DCHS1: variants seen among roughly 807,000 people sequenced by gnomAD.
DCHS1 encodes the protein protocadherin-16.
In DCHS1, 78 loss-of-function variants were observed where a neutral mutation model predicts 213.9. The observed-to-expected ratio is 0.36, with a 90% CI of 0.30 to 0.44. The LOEUF (loss-of-function observed/expected upper bound fraction) is 0.44. DCHS1 is among the 20% of genes least tolerant of loss of function. The probability of loss-of-function intolerance (pLI) is 1.00; values close to 1 mark genes in which losing one functional copy is unlikely to be tolerated. For missense variants in DCHS1, 3,946 were observed against 4,395.9 expected (o/e 0.90, Z 2.89); for synonymous variants, 1,828 against 1,873.7 (o/e 0.98, Z 0.63).
chr11:6,622,597 G>T lies in DCHS1; in HGVS notation c.9079C>A (p.Pro3027Thr). 6.3e-7 allele frequency: 1 copy of T among 1,580,542 alleles called. No homozygotes were observed. Among genetic ancestry groups the T allele is most frequent in the South Asian group, 1.2e-5 (1 of 86,216 alleles). Residue 3027 changes from proline (P) to threonine (T), a missense_variant, in exon 21 of 21, where the codon CCT (proline) becomes ACT (threonine). This residue lies in a region of DCHS1 where 554 missense variants were observed against 590.2 expected (regional missense o/e 0.94). Transcript: ENST00000299441. This position sits in a 1 kb window ranked among gnomAD's most constrained non-coding sequence, Gnocchi z 5.4. ...GPYPRGGSLD[P>T]SHSSGRGSAE... is the part of the protein sequence containing the mutation. ...GATCCTCGGCCACTTGAATGTGAAG[G>T]GTCCAAGGAGCCACCACGGGGGTAG...
chr11:6,648,063 T>C (rs1856191260), intron 1 of DCHS1, among the ~76,000 whole-genome samples: 1 of 152,216 alleles, frequency 6.6e-6, no homozygotes, highest in South Asian at 2.1e-4. Context: ...ATTTGGACAC[T>C]GCAGAGGAAA....
At chr11:6,654,996 C>G (rs1314231238) in intron 1 of DCHS1, among the ~76,000 whole-genome samples, 2 of 152,152 alleles carry the variant, frequency 1.3e-5, no homozygotes, top group South Asian at 2.1e-4. Flanking sequence ...GGGTGACCCC[C>G]CCCTCCATCC....
chr11:6,623,131 G>A lies in DCHS1; in HGVS notation c.8545C>T (p.Leu2849=). The stretch of plus-strand genomic sequence containing the variant: ...GGGGAAGAGGTGGCAAGGGAATACA[G>A]AACCAGGCCATCGGCACCCCCATCC... The part of the protein sequence containing the change: ...DEDGGADGLV[L]YSLATSSPYF... Residue 2849 remains leucine, a synonymous_variant, in exon 21 of 21, where the codon CTG becomes TTG. Coordinates refer to ENST00000299441, the MANE Select transcript of DCHS1 (RefSeq NM_003737.4). The A allele has an allele frequency of 6.2e-7, 1 of 1,608,592 alleles. No individual in the cohort carries two copies. Among genetic ancestry groups the A allele is most frequent in the Non-Finnish European group, 8.5e-7 (1 of 1,177,530 alleles).
chr11:6,624,675 C>A, intron 20 of DCHS1, 55 bp downstream of exon 20: 1 of 1,608,844 alleles, frequency 6.2e-7, no homozygotes, highest in South Asian at 1.1e-5. Flanking sequence ...GGAATGAGGT[C>A]AGATTACAGC....
In DCHS1 at chr11:6,622,004, A is replaced by C; in HGVS notation, c.9672T>G (p.Ala3224=). 1 of 1,612,922 alleles carries C rather than the reference A, an allele frequency of 6.2e-7. No homozygotes were observed. Residue 3224 remains alanine (A), a synonymous_variant, in exon 21 of 21, where the codon GCT becomes GCG. Transcript: ENST00000299441. The surrounding 1 kb of genome is among the most constrained non-coding windows in gnomAD (Gnocchi z 5.4). ...KSVPPKPANT[A]AARAIFPPAS... Reference sequence around the variant, plus strand: ...CTGGTGGGAAGATGGCCCGGGCTGCAGCTGTGTTTGCTGGCTTGGGGGGCA... The same window carrying C: ...CTGGTGGGAAGATGGCCCGGGCTGCCGCTGTGTTTGCTGGCTTGGGGGGCA...
chr11:6,654,811 G>A (rs999194382), intron 1 of DCHS1, among the ~76,000 whole-genome samples: 1 of 152,068 alleles, frequency 6.6e-6, no homozygotes. Flanking sequence ...CCTTGTGGCT[G>A]TGGGCCCAGC....
At chr11:6,651,735 G>A (rs1398879831) in intron 1 of DCHS1, among the ~76,000 whole-genome samples, 6 of 152,204 alleles carry the variant, frequency 3.9e-5, no homozygotes, top group South Asian at 2.1e-4. Flanking sequence ...GAACCAACAC[G>A]TTCCAAGGGA....
rs1477425872 is a variant in DCHS1 at position 6,621,475 on chromosome 11, TAA to T, written c.*302_*303del. The T allele has an allele frequency of 2.0e-6, 1 of 490,076 alleles. No individual in the cohort carries two copies. The highest frequency in any genetic ancestry group is 1.9e-5 in the African/African-American group (1 of 51,328). The allele number at this position is 490,076 out of a possible 1,614,324, so 30.4% of individuals were successfully genotyped here. A position where few individuals can be genotyped will look rare whatever the true frequency, so the allele number is the denominator to read the frequency against. ...CCTCCATCCCCCTACCCCCAATAAA[TAA>T]AGTCTCAGCTCCATCTCAGGGTGCT... is the stretch of plus-strand genomic sequence containing the variant. On this transcript the variant is annotated 3_prime_UTR_variant, in exon 21 of 21. Coordinates refer to ENST00000299441, the MANE Select transcript of DCHS1 (RefSeq NM_003737.4).
chr11:6,633,369 G>A (rs751363025), intron 5 of DCHS1, 43 bp downstream of exon 5: 2 of 1,522,164 alleles, frequency 1.3e-6, no homozygotes, highest in Admixed American at 2.0e-5. Context: ...TTATACTGGG[G>A]TATTTGGGTC....
chr11:6,632,906 C>G lies in DCHS1; in HGVS notation c.2606G>C (p.Ser869Thr). ...PVLELEVRAGSGVPPAFAVAR... is the reference protein window; with the variant it reads ...PVLELEVRAGTGVPPAFAVAR... Reference sequence around the variant, plus strand: ...TACAGCGAAAGCTGGGGGCACTCCACTGCCTGCTCGCACCTCCAGCTCCAA... The same window carrying G: ...TACAGCGAAAGCTGGGGGCACTCCAGTGCCTGCTCGCACCTCCAGCTCCAA... Residue 869 changes from serine to threonine, a missense_variant, in exon 6 of 21, where the codon AGT (serine) becomes ACT (threonine). Around this residue, in one of 3 missense-constraint regions of DCHS1, gnomAD observed 3,384 missense variants for 3,780.1 expected, o/e 0.90. Transcript: ENST00000299441. This position sits in a 1 kb window ranked among gnomAD's most constrained non-coding sequence, Gnocchi z 5.9. 1.2e-6 allele frequency: 2 copies of G among 1,614,068 alleles called. No homozygotes were observed. The highest frequency in any genetic ancestry group is 1.7e-6 in the Non-Finnish European group (2 of 1,179,900).
At position 6,625,248 on chromosome 11, in the gene DCHS1, C is replaced by T. The variant is rs779171502; in HGVS notation, c.7096G>A (p.Val2366Met). 1.2e-5 allele frequency: 20 copies of T among 1,611,270 alleles called. No homozygotes were observed. Among genetic ancestry groups the T allele is most frequent in the African/African-American group, 2.7e-5 (2 of 74,834 alleles). ...HEGRANLTVL[V>M]EDVNDNAPAF... ...GGTGCATTGTCATTGACATCCTCCACAAGCACTGTGAGGTTGGCACGGCCC... is the reference window on the plus strand; with the variant it reads ...GGTGCATTGTCATTGACATCCTCCATAAGCACTGTGAGGTTGGCACGGCCC... Residue 2366 changes from valine to methionine, a missense_variant, in exon 19 of 21, where the codon GTG becomes ATG. Val to Met is a conservative substitution (Grantham distance 21). This residue lies in a region of DCHS1 where 3,384 missense variants were observed against 3,780.1 expected (regional missense o/e 0.90). Transcript: ENST00000299441. The surrounding 1 kb of genome is among the most constrained non-coding windows in gnomAD (Gnocchi z 5.3).
chr11:6,648,829 T>C (rs1237338535), intron 1 of DCHS1, among the ~76,000 whole-genome samples: 2 of 152,158 alleles, frequency 1.3e-5, no homozygotes, highest in Non-Finnish European at 2.9e-5. Flanking sequence ...GTCTGGCACA[T>C]AGTAAGCTTT....
At chr11:6,629,161 T>C (rs1237359028) in intron 12 of DCHS1, among the ~76,000 whole-genome samples, 1 of 152,228 alleles carries the variant, frequency 6.6e-6, no homozygotes, top group African/African-American at 2.4e-5. Context: ...CAATATTCAG[T>C]ATCAAAATGC....
Position 6,626,418 on chromosome 11 carries a change from G to T in DCHS1, c.6365-38C>A. 3.1e-6 allele frequency: 5 copies of T among 1,607,446 alleles called. No homozygotes were observed. The highest frequency in any genetic ancestry group is 4.3e-6 in the Non-Finnish European group (5 of 1,176,122). On this transcript the variant is annotated intron_variant, in intron 15 of 20. Transcript: ENST00000299441. The surrounding 1 kb of genome is among the most constrained non-coding windows in gnomAD (Gnocchi z 5.2). Reference sequence around the variant, plus strand: ...GAATGCATCAGTGATAGCCCCCTTTGCTTGCCCTGGAGCCTCCTTCTCTAA... The same window carrying T: ...GAATGCATCAGTGATAGCCCCCTTTTCTTGCCCTGGAGCCTCCTTCTCTAA...
chr11:6,652,034 A>G (rs1458021353), intron 1 of DCHS1, among the ~76,000 whole-genome samples: 1 of 152,202 alleles, frequency 6.6e-6, no homozygotes, highest in Admixed American at 6.5e-5. Context: ...CAGTGAGACA[A>G]TAAGAAGGTC....
rs1245684360 is a variant in DCHS1, at chr11:6,630,420, G to T, written c.4374C>A (p.Phe1458Leu). 2.8e-6 allele frequency: 4 copies of T among 1,454,178 alleles called. No homozygotes were observed. Among genetic ancestry groups the T allele is most frequent in the Non-Finnish European group, 3.6e-6 (4 of 1,109,808 alleles). 90.1% of individuals were successfully genotyped at this position (1,454,178 alleles called of 1,614,324 possible). ...NPEPGAALYT[F>L]RASDADGPGP... is the part of the protein sequence containing the mutation. ...CGGGGCCGTCGGCGTCCGACGCGCG[G>T]AAAGTGTACAGCGCTGCGCCGGGCT... The change falls in exon 10 of 21, where the codon TTC becomes TTA. Residue 1458 changes from phenylalanine to leucine, a missense_variant. Around this residue, in one of 3 missense-constraint regions of DCHS1, gnomAD observed 3,384 missense variants for 3,780.1 expected, o/e 0.90. Coordinates refer to ENST00000299441, the MANE Select transcript of DCHS1 (RefSeq NM_003737.4).
intron 1 of DCHS1, among the ~76,000 whole-genome samples, chr11:6,649,035 A>G (rs904782185): frequency 2.6e-5 from 4 of 152,084 alleles, no homozygotes; most frequent in African/African-American, 9.7e-5. Context: ...AGTTAATGAA[A>G]TAATGCTAAC....
chr11:6,624,666 G>C (rs1431084852), intron 20 of DCHS1, 64 bp downstream of exon 20: 14 of 1,603,000 alleles, frequency 8.7e-6, no homozygotes, highest in Non-Finnish European at 1.2e-5. Flanking sequence ...CAAATTCAAG[G>C]AATGAGGTCA....
Position 6,632,844 on chromosome 11 carries a change from T to C in DCHS1, c.2668A>G (p.Asn890Asp), listed in dbSNP as rs201782946. 385 of 1,613,786 alleles carry C rather than the reference T, an allele frequency of 2.4e-4. No homozygotes were observed. The highest frequency in any genetic ancestry group is 3.2e-4 in the Non-Finnish European group (374 of 1,179,860). ...TCAGGTGCAGGAAAGGCAGGGGAGT[T>C]GTCATTCACATCATCCAGCAGCACA... The part of the protein sequence containing the change: ...VRVLLDDVND[N>D]SPAFPAPEDT... The change falls in exon 6 of 21, where the codon AAC becomes GAC. Residue 890 changes from asparagine to aspartate, a missense_variant. By Grantham distance (23) the Asn-to-Asp change is conservative. This residue lies in a region of DCHS1 where 3,384 missense variants were observed against 3,780.1 expected (regional missense o/e 0.90). Coordinates refer to ENST00000299441, the MANE Select transcript of DCHS1 (RefSeq NM_003737.4). The surrounding 1 kb of genome is among the most constrained non-coding windows in gnomAD (Gnocchi z 5.9).
Sources: gnomAD v4.1 joint callset for allele counts (sites outside exome capture counted in the v4.1 genomes callset) on GRCh38, gnomAD v4.1.1 for gene constraint, gnomAD v4.1.1 regional missense constraint, Gnocchi (gnomAD v3.1) non-coding constraint, MANE v1.5 for transcripts, NCBI Gene and HGNC (gene_info 2026-07-23, HGNC 2026-07-21) for gene names.